The following KIAA0825 variants were observed in gnomAD, a reference collection of about 807,000 sequenced individuals.
KIAA0825 encodes uncharacterized protein KIAA0825.
KIAA0825 carries 119 observed loss-of-function variants against 147.6 expected under a neutral mutation model. The observed-to-expected ratio is 0.81, with a 90% CI of 0.69 to 0.94. The LOEUF (loss-of-function observed/expected upper bound fraction) is 0.94. Among genes scored for constraint, KIAA0825 ranks in the 40% least tolerant of loss-of-function variants. The pLI, the probability that KIAA0825 is intolerant of heterozygous loss-of-function variation, is 0.00. For missense variants in KIAA0825, 1,381 were observed against 1,472.7 expected (o/e 0.94, Z 1.02); for synonymous variants, 470 against 518.1 (o/e 0.91, Z 1.26).
intron 20 of KIAA0825, among the ~76,000 whole-genome samples, chr5:94,347,015 G>A (rs1430517929): frequency 6.6e-6 from 1 of 152,122 alleles, no homozygotes; most frequent in African/African-American, 2.4e-5. Flanking sequence ...TTGGGAGCTG[G>A]GTGAGGCCTG....
At chr5:94,563,218 C>A (rs185441105) in intron 2 of KIAA0825, among the ~76,000 whole-genome samples, 274 of 150,758 alleles carry the variant, frequency 1.8e-3, no homozygotes, top group African/African-American at 5.9e-3. Flanking sequence ...ATCAGCTGGG[C>A]GTGGTGGTGG....
chr5:94,302,399 G>C (rs567015315), intron 20 of KIAA0825, among the ~76,000 whole-genome samples: 2 of 152,126 alleles, frequency 1.3e-5, no homozygotes, highest in African/African-American at 4.8e-5. Context: ...TATATATGAT[G>C]ACCTGTTCCA....
At chr5:94,439,574 A>G (rs529542603) in intron 14 of KIAA0825, among the ~76,000 whole-genome samples, 3 of 152,112 alleles carry the variant, frequency 2.0e-5, no homozygotes, top group Non-Finnish European at 4.4e-5. Context: ...TTCGTGATAC[A>G]CTGAAATTCC....
At chr5:94,600,192 C>A (rs952494438) in intron 1 of KIAA0825, among the ~76,000 whole-genome samples, 1 of 152,140 alleles carries the variant, frequency 6.6e-6, no homozygotes, top group African/African-American at 2.4e-5. Flanking sequence ...CTTCACAACT[C>A]ACTAGAACGT....
intron 20 of KIAA0825, among the ~76,000 whole-genome samples, chr5:94,349,325 T>C (rs1473982474): frequency 2.6e-5 from 4 of 152,078 alleles, no homozygotes; most frequent in Non-Finnish European, 5.9e-5. Context: ...AGAAATGAGA[T>C]AGACAGCAAC....
At chr5:94,262,971 A>G (rs1180698974) in intron 20 of KIAA0825, among the ~76,000 whole-genome samples, 2 of 152,112 alleles carry the variant, frequency 1.3e-5, no homozygotes, top group Non-Finnish European at 2.9e-5. Flanking sequence ...TAGTGTTACT[A>G]TGCTCCCTAG....
At chr5:94,157,519 A>G (rs1460802809) in intron 20 of KIAA0825, among the ~76,000 whole-genome samples, 2 of 151,938 alleles carry the variant, frequency 1.3e-5, no homozygotes, top group Non-Finnish European at 2.9e-5. Flanking sequence ...CATTTGTACC[A>G]CTCTGATTGA....
chr5:94,429,170 C>G (rs1755303698), intron 14 of KIAA0825, among the ~76,000 whole-genome samples: 1 of 152,152 alleles, frequency 6.6e-6, no homozygotes, highest in Non-Finnish European at 1.5e-5. Context: ...TCCATGCTTT[C>G]AATTCGTTCT....
intron 2 of KIAA0825, among the ~76,000 whole-genome samples, chr5:94,557,492 C>A (rs1044877526): frequency 1.8e-4 from 27 of 151,176 alleles, no homozygotes; most frequent in Non-Finnish European, 3.4e-4. Flanking sequence ...TAACCCTAGT[C>A]ATAATGGATT....
intron 17 of KIAA0825, among the ~76,000 whole-genome samples, chr5:94,393,204 C>G (rs191907838): frequency 1.3e-5 from 2 of 152,256 alleles, no homozygotes; most frequent in African/African-American, 4.8e-5. Context: ...GGAGAATGTG[C>G]CCTGAAAGAG....
At chr5:94,581,547 C>T (rs1782179335) in intron 2 of KIAA0825, among the ~76,000 whole-genome samples, 1 of 152,146 alleles carries the variant, frequency 6.6e-6, no homozygotes, top group African/African-American at 2.4e-5. Context: ...CCAAATCAGT[C>T]TGTTATACTC....
intron 2 of KIAA0825, among the ~76,000 whole-genome samples, chr5:94,539,129 G>A (rs574113858): frequency 1.3e-5 from 2 of 152,224 alleles, no homozygotes; most frequent in South Asian, 4.2e-4. Flanking sequence ...AACCAAGATG[G>A]CCATGAGAGT....
chr5:94,176,013 A>AT (rs1349279114), intron 20 of KIAA0825, among the ~76,000 whole-genome samples: 3 of 152,144 alleles, frequency 2.0e-5, no homozygotes, highest in Non-Finnish European at 2.9e-5. Context: ...AATTTATTAA[A>AT]TTTTTTTATT....
intron 20 of KIAA0825, among the ~76,000 whole-genome samples, chr5:94,167,073 C>A (rs1043498404): frequency 6.6e-6 from 1 of 152,046 alleles, no homozygotes; most frequent in Non-Finnish European, 1.5e-5. Context: ...ATTACACCCC[C>A]CTCCTCACCC....
intron 20 of KIAA0825, among the ~76,000 whole-genome samples, chr5:94,242,239 T>C (rs1775382887): frequency 2.0e-5 from 3 of 152,370 alleles, no homozygotes; most frequent in African/African-American, 7.2e-5. Flanking sequence ...TCTCTTTCTC[T>C]GGTTCCCTTT....
At chr5:94,396,957 G>A (rs939359035) in intron 16 of KIAA0825, among the ~76,000 whole-genome samples, 14 of 151,852 alleles carry the variant, frequency 9.2e-5, no homozygotes, top group African/African-American at 3.4e-4. Context: ...CAACCCAAAT[G>A]TGACCTCCTC....
In KIAA0825 at chr5:94,427,426, C is replaced by T. The variant is rs192112694; in HGVS notation, c.2498-10061G>A. On this transcript the variant is annotated intron_variant, in intron 14 of 20. Transcript: ENST00000682413. ...TGGTGCACACCTGAAGTCCTAGCTA[C>T]TTTGGAGGCTGACGTGCAAGGATTG... Among the ~76,000 whole-genome samples the T allele has an allele frequency of 7.2e-5, 11 of 152,176 alleles. No homozygotes were observed. The East Asian group carries it at 2.1e-3, about 29-fold the overall frequency.
At chr5:94,220,312 C>T (rs923810469) in intron 20 of KIAA0825, among the ~76,000 whole-genome samples, 1 of 152,126 alleles carries the variant, frequency 6.6e-6, no homozygotes, top group Non-Finnish European at 1.5e-5. Flanking sequence ...ACAATTCTGC[C>T]TTCTACAGTA....
chr5:94,211,196 T>C (rs1772675697), intron 20 of KIAA0825, among the ~76,000 whole-genome samples: 1 of 152,186 alleles, frequency 6.6e-6, no homozygotes, highest in South Asian at 2.1e-4. Flanking sequence ...GAAACACTAT[T>C]AGTGTAGTTT....
Sources: gnomAD v4.1 joint callset for allele counts (sites outside exome capture counted in the v4.1 genomes callset) on GRCh38, gnomAD v4.1.1 for gene constraint, MANE v1.5 for transcripts, NCBI Gene and HGNC (gene_info 2026-07-23, HGNC 2026-07-21) for gene names.